The following ZNF516 variants were observed in gnomAD, a reference collection of about 807,000 sequenced individuals.
ZNF516 encodes the protein zinc finger protein 516.
A neutral mutation model predicts 79.7 loss-of-function variants in ZNF516; 19 were observed. The ratio of observed to expected loss-of-function variants is 0.24; its 90% confidence interval spans 0.17 to 0.35. The LOEUF is 0.35. Ranked by LOEUF, ZNF516 falls within the 10% of genes least tolerant of loss-of-function variation. ZNF516 has a pLI of 1.00. For missense variants in ZNF516, 1,678 were observed against 1,679.5 expected (o/e 1.00, Z 0.02); for synonymous variants, 877 against 739.5 (o/e 1.19, Z -3.02).
intron 3 of ZNF516, among the ~76,000 whole-genome samples, chr18:76,415,137 G>T (rs1219336455): frequency 6.6e-6 from 1 of 152,212 alleles, no homozygotes; most frequent in African/African-American, 2.4e-5. Context: ...AGTGAAGGTT[G>T]CAGTGAGCCA....
chr18:76,381,680 T>A (rs1016481208), intron 3 of ZNF516, among the ~76,000 whole-genome samples: 28 of 152,194 alleles, frequency 1.8e-4, no homozygotes, highest in Admixed American at 1.6e-3. Flanking sequence ...TGGTTTTCAA[T>A]CAGCGGGCAG....
chr18:76,455,627 T>C (rs111659418), intron 2 of ZNF516, among the ~76,000 whole-genome samples: 2,193 of 152,324 alleles, frequency 0.014, 23 homozygotes, highest in Middle Eastern at 0.048. Context: ...TCACATCTGA[T>C]TCAAGAAAAT....
At chr18:76,392,014 C>T (rs574704484) in intron 3 of ZNF516, among the ~76,000 whole-genome samples, 9 of 152,346 alleles carry the variant, frequency 5.9e-5, no homozygotes, top group African/African-American at 2.2e-4. Flanking sequence ...CCGCGGCTCA[C>T]AACGCCGCCC....
At chr18:76,453,938 T>C (rs1038202305) in intron 2 of ZNF516, among the ~76,000 whole-genome samples, 1 of 152,180 alleles carries the variant, frequency 6.6e-6, no homozygotes, top group East Asian at 1.9e-4. Context: ...AAACACACAG[T>C]CCTATTTTCC....
intron 4 of ZNF516, 91 bp downstream of exon 4, chr18:76,378,764 T>C (rs1419273653): frequency 3.5e-5 from 52 of 1,494,060 alleles, no homozygotes; most frequent in Non-Finnish European, 4.6e-5. Context: ...CTCAGGGACA[T>C]GGACAGGCAG....
intron 6 of ZNF516, among the ~76,000 whole-genome samples, chr18:76,366,688 G>A (rs1033479092): frequency 6.6e-6 from 1 of 152,202 alleles, no homozygotes; most frequent in Admixed American, 6.5e-5. Context: ...GGCTCTCCAA[G>A]TATGTGAGTT....
chr18:76,370,511 TTCA>T lies in ZNF516; in HGVS notation c.3432+14_3432+16del. ...ACCGCATCGAAACCCAGACATCCAA[TTCA>T]TCATGAGACCTACTTGTTTGGGGGC... On this transcript the variant is annotated intron_variant, in intron 6 of 6. Transcript: ENST00000443185. 1 of 1,593,532 alleles carries T rather than the reference TTCA, an allele frequency of 6.3e-7. No homozygotes were observed. Among genetic ancestry groups the T allele is most frequent in the Non-Finnish European group, 8.6e-7 (1 of 1,168,792 alleles).
In ZNF516 at chr18:76,362,538, G is replaced by A. The variant is rs777132861; in HGVS notation, c.3452C>T (p.Thr1151Ile). 2 of 1,612,730 alleles carry A rather than the reference G, an allele frequency of 1.2e-6. No homozygotes were observed. ...APKQGRDHSN[T>I]GTVQTVPLRK... ...CAGAGGCACTGTCTGGACGGTACCT[G>A]TGTTAGAATGGTCTCTCCCCTGGGT... Residue 1151 changes from threonine to isoleucine, a missense_variant, in exon 7 of 7, where the codon ACA (threonine) becomes ATA (isoleucine). Thr to Ile is a moderately conservative substitution (Grantham distance 89, BLOSUM62 -1). This residue lies in a region of ZNF516 where 1,294 missense variants were observed against 1,248.3 expected (regional missense o/e 1.04). Transcript: ENST00000443185.
chr18:76,496,297 C>T (rs1306461713), upstream of ZNF516: 17 of 1,289,470 alleles, frequency 1.3e-5, no homozygotes, highest in Non-Finnish European at 1.7e-5. Flanking sequence ...CCGTATTGTT[C>T]TCCTTCTCCT....
intron 6 of ZNF516, among the ~76,000 whole-genome samples, chr18:76,364,213 A>AT (rs2074581397): frequency 6.6e-6 from 1 of 152,198 alleles, no homozygotes; most frequent in Non-Finnish European, 1.5e-5. Context: ...AGAGACGCCC[A>AT]TTTTCTCTTC....
At chr18:76,395,285 G>T (rs753952007) in intron 3 of ZNF516, among the ~76,000 whole-genome samples, 4 of 152,178 alleles carry the variant, frequency 2.6e-5, no homozygotes. Context: ...CGTCCTAAAC[G>T]AGCATCTCCC....
chr18:76,386,443 G>C (rs1167145024), intron 3 of ZNF516: 1 of 152,316 alleles, frequency 6.6e-6, no homozygotes, highest in African/African-American at 2.4e-5. Flanking sequence ...ACAAGGAAGG[G>C]GGATGGGAGG....
intron 1 of ZNF516, among the ~76,000 whole-genome samples, chr18:76,488,573 CTAAT>C (rs1429755315): frequency 2.6e-5 from 4 of 151,898 alleles, no homozygotes; most frequent in Admixed American, 6.6e-5. Context: ...TTTGAAAGAA[CTAAT>C]TGAGTGTGTC....
At chr18:76,373,855 G>A (rs2074746256) in intron 4 of ZNF516, among the ~76,000 whole-genome samples, 1 of 152,224 alleles carries the variant, frequency 6.6e-6, no homozygotes, top group Non-Finnish European at 1.5e-5. Flanking sequence ...TTATGCCCAA[G>A]CTACAACATT....
chr18:76,378,528 G>A lies in ZNF516; in HGVS notation c.3259+327C>T, dbSNP rs193122665. Among the ~76,000 whole-genome samples, 285 of 152,310 alleles carry A rather than the reference G, an allele frequency of 1.9e-3. 2 individuals are homozygous for A. In the Middle Eastern group the frequency reaches 0.024, roughly 13 times the overall value. On this transcript the variant is annotated intron_variant, in intron 4 of 6. Transcript: ENST00000443185. ...TGCAATCACGTCGGCCTGCTCCTGCGGAATGTCGGTGTGGAGGAAACGTCC... is the reference window on the plus strand; with the variant it reads ...TGCAATCACGTCGGCCTGCTCCTGCAGAATGTCGGTGTGGAGGAAACGTCC...
At chr18:76,472,524 G>C (rs1412383025) in intron 1 of ZNF516, among the ~76,000 whole-genome samples, 1 of 152,228 alleles carries the variant, frequency 6.6e-6, no homozygotes, top group East Asian at 1.9e-4. Flanking sequence ...CGACACGTGC[G>C]CTCACACGCA....
intron 3 of ZNF516, among the ~76,000 whole-genome samples, chr18:76,395,225 G>A (rs772664343): frequency 9.9e-5 from 15 of 152,202 alleles, no homozygotes; most frequent in African/African-American, 2.2e-4. Flanking sequence ...TCCTGCTGCC[G>A]CAGGGCCTCT....
chr18:76,440,207 C>CT (rs3841749), intron 3 of ZNF516, among the ~76,000 whole-genome samples: 88,050 of 152,078 alleles, frequency 0.58, 25,617 homozygotes, highest in South Asian at 0.68. Flanking sequence ...ACATAACACA[C>CT]TGTGTAAGAC....
intron 3 of ZNF516, among the ~76,000 whole-genome samples, chr18:76,382,897 T>A (rs540760653): frequency 5.5e-4 from 83 of 152,058 alleles, no homozygotes; most frequent in African/African-American, 2.0e-3. Context: ...AATACAAAAA[T>A]TAGCCAAGCG....
Sources: allele counts gnomAD v4.1 joint callset (sites outside exome capture counted in the v4.1 genomes callset), GRCh38; gene constraint gnomAD v4.1.1; regional missense constraint gnomAD v4.1.1; transcripts MANE v1.5; gene names NCBI Gene and HGNC (gene_info 2026-07-23, HGNC 2026-07-21).